ABHD12: variants seen among roughly 807,000 people sequenced by gnomAD.
ABHD12 encodes abhydrolase domain containing 12, lysophospholipase.
Under a neutral mutation model 58.3 loss-of-function variants are expected in ABHD12, and 43 were observed. The ratio of observed to expected loss-of-function variants is 0.74; its 90% CI spans 0.58 to 0.95. ABHD12 has a LOEUF of 0.95. Ranked by LOEUF, ABHD12 falls within the 40% of genes least tolerant of loss-of-function variation. The pLI is 0.00. For synonymous variants in ABHD12, 219 were observed against 211.2 expected (o/e 1.04, Z -0.32); for missense variants, 539 against 537.2 (o/e 1.00, Z -0.03).
chr20:25,387,314 A>C (rs1481167629), intron 1 of ABHD12, among the ~76,000 whole-genome samples: 1 of 152,126 alleles, frequency 6.6e-6, no homozygotes, highest in Non-Finnish European at 1.5e-5. Context: ...TAATCCCAAC[A>C]CTTTGGGAGG....
intron 2 of ABHD12, among the ~76,000 whole-genome samples, chr20:25,338,560 C>T (rs1312477736): frequency 6.6e-6 from 1 of 152,168 alleles, no homozygotes; most frequent in Non-Finnish European, 1.5e-5. Context: ...ACTTCTGCAC[C>T]TTTCTCCTCC....
chr20:25,326,606 A>G (rs1470883646), intron 2 of ABHD12, among the ~76,000 whole-genome samples: 4 of 152,222 alleles, frequency 2.6e-5, no homozygotes, highest in Admixed American at 2.6e-4. Context: ...AAAAATAATT[A>G]CTTGTGTTGC....
intron 5 of ABHD12, among the ~76,000 whole-genome samples, chr20:25,316,746 T>C (rs796909849): frequency 2.0e-5 from 3 of 152,240 alleles, no homozygotes; most frequent in African/African-American, 4.8e-5. Flanking sequence ...CTGAGCAACA[T>C]AGGGAGACCT....
intron 1 of ABHD12, among the ~76,000 whole-genome samples, chr20:25,344,524 AG>A (rs2089493996): frequency 6.6e-6 from 1 of 152,264 alleles, no homozygotes; most frequent in Admixed American, 6.5e-5. Context: ...AAACGTATAA[AG>A]GAAGAACTAA....
chr20:25,317,056 G>C lies in ABHD12; in HGVS notation c.565C>G (p.Leu189Val), dbSNP rs1156854288. The C allele has an allele frequency of 6.2e-7, 1 of 1,613,022 alleles. No homozygotes were observed. The highest frequency in any genetic ancestry group is 2.2e-5 in the East Asian group (1 of 44,862). ...GTGCTGCCTGCACTCACCTTGTAAA[G>C]CTCCACGCGGTGGTCGCCTCCTCTG... ...GTRGGDHRVE[L>V]YKVLSSLGYH... Residue 189 changes from leucine to valine, a missense_variant, in exon 5 of 13, where the codon CTT (leucine) becomes GTT (valine). By Grantham distance (32) the Leu-to-Val change is conservative. Coordinates refer to ENST00000339157, the MANE Select transcript of ABHD12 (RefSeq NM_001042472.3).
At chr20:25,376,527 T>G (rs1470271752) in intron 1 of ABHD12, among the ~76,000 whole-genome samples, 1 of 152,228 alleles carries the variant, frequency 6.6e-6, no homozygotes, top group East Asian at 1.9e-4. Flanking sequence ...AAGGCCTTAT[T>G]TTCCTGGCAG....
Position 25,308,762 on chromosome 20 carries a change from C to A in ABHD12, c.750-268G>T, listed in dbSNP as rs113244876. Among the ~76,000 whole-genome samples the A allele has an allele frequency of 1.2e-3, 179 of 152,280 alleles. 1 individual carries two copies. Among genetic ancestry groups the A allele is most frequent in the African/African-American group, 4.1e-3 (171 of 41,524 alleles). ...GCTGCCTCTCACTGCCCGTACACTC[C>A]CATTGGCCGGGCCGCCTGTCGGCTG... On this transcript the variant is annotated intron_variant, in intron 7 of 12. Coordinates refer to ENST00000339157, the MANE Select transcript of ABHD12 (RefSeq NM_001042472.3).
chr20:25,295,151 A>AC (rs1356493052), intron 12 of ABHD12: 2 of 1,014,266 alleles, frequency 2.0e-6, no homozygotes, highest in Non-Finnish European at 3.1e-6. Flanking sequence ...TGTTCAGCAC[A>AC]TCAGGAACTG....
rs141271057 is a variant in ABHD12, at chr20:25,375,370, T to A, written c.191+15143A>T. 1.8e-4 allele frequency among the ~76,000 whole-genome samples: 28 copies of A among 152,374 alleles called. 1 individual carries two copies. In the East Asian group the frequency reaches 5.0e-3, roughly 27 times the overall value. On this transcript the variant is annotated intron_variant, in intron 1 of 12. Transcript: ENST00000339157. ...CTACCAGTAAATTATAATCTTGCTC[T>A]AAGTAGCAGGGACTGTATCTTCTGA...
downstream of ABHD12, chr20:25,295,742 T>G: frequency 1.4e-6 from 2 of 1,479,000 alleles, no homozygotes; most frequent in Non-Finnish European, 1.9e-6. Flanking sequence ...GTCAGATTGT[T>G]TATTTCCCAA....
chr20:25,374,834 C>T (rs74644753), intron 1 of ABHD12, among the ~76,000 whole-genome samples: 1 of 152,270 alleles, frequency 6.6e-6, no homozygotes, highest in African/African-American at 2.4e-5. Context: ...TCAACACTAA[C>T]GTGCGTGTCA....
At chr20:25,388,788 T>TTTC (rs1491288562) in intron 1 of ABHD12, among the ~76,000 whole-genome samples, 85 of 35,282 alleles carry the variant, frequency 2.4e-3, no homozygotes, top group Middle Eastern at 0.029. Flanking sequence ...TGATTTTTTC[T>TTTC]TTTTTTTTTT....
intron 1 of ABHD12, among the ~76,000 whole-genome samples, chr20:25,363,923 A>G (rs1056483855): frequency 2.0e-5 from 3 of 152,216 alleles, no homozygotes; most frequent in Admixed American, 6.5e-5. Flanking sequence ...CAACTTATCA[A>G]TGAAGAATTA....
chr20:25,369,321 C>A (rs1208727906), intron 1 of ABHD12, among the ~76,000 whole-genome samples: 1 of 152,038 alleles, frequency 6.6e-6, no homozygotes, highest in Non-Finnish European at 1.5e-5. Flanking sequence ...TTTAAAATTT[C>A]TCTATATATT....
chr20:25,360,326 C>T (rs1381547459), intron 1 of ABHD12, among the ~76,000 whole-genome samples: 3 of 142,402 alleles, frequency 2.1e-5, no homozygotes, highest in African/African-American at 5.3e-5. Context: ...CTGCAACTTC[C>T]GCCTCCCAGG....
At chr20:25,325,203 CAAAAAAAAAAAAAAA>C (rs376306392) in intron 2 of ABHD12, among the ~76,000 whole-genome samples, 8 of 76,460 alleles carry the variant, frequency 1.0e-4, no homozygotes, top group African/African-American at 1.0e-4. Context: ...GACCCTGTTT[CAAAAAAAAAAAAAAA>C]AAAAAAAAAA....
At position 25,320,253 on chromosome 20, in the gene ABHD12, G is replaced by A. The variant is rs769257947; in HGVS notation, c.488C>T (p.Ala163Val). The change falls in exon 4 of 13, where the codon GCC (alanine) becomes GTC (valine). Residue 163 changes from alanine to valine, a missense_variant. Ala to Val is a moderately conservative substitution (Grantham distance 64). Transcript: ENST00000339157. ...QGKDQMWYED[A>V]LASSHPIILY... is the part of the protein sequence containing the mutation. ...AATGATAGGGTGGCTGGAAGCCAAG[G>A]CATCCTCATACCACATCTGGTCTTT... is the stretch of plus-strand genomic sequence containing the variant. 4 of 1,614,164 alleles carry A rather than the reference G, an allele frequency of 2.5e-6. No individual in the cohort carries two copies. In the South Asian group the frequency reaches 4.4e-5, roughly 18 times the overall value.
At chr20:25,296,756 C>T (rs202175497), downstream of ABHD12, 11 of 557,680 alleles carry the variant, frequency 2.0e-5, no homozygotes, top group South Asian at 4.5e-5. Flanking sequence ...TACAAAGGGT[C>T]GTGGCCAGCC....
At chr20:25,303,773 A>C (rs2088684585) in intron 10 of ABHD12, 145 bp from the exon 11 acceptor site, 2 of 1,146,536 alleles carry the variant, frequency 1.7e-6, no homozygotes, top group Non-Finnish European at 2.5e-6. Context: ...AGACAACTGA[A>C]AGTTAACTCT....
Sources: gnomAD v4.1 joint callset for allele counts (sites outside exome capture counted in the v4.1 genomes callset) on GRCh38, gnomAD v4.1.1 for gene constraint, MANE v1.5 for transcripts, NCBI Gene and HGNC (gene_info 2026-07-23, HGNC 2026-07-21) for gene names.